Variants in WDR7 observed in about 807,000 individuals in gnomAD.
WDR7 encodes the protein WD repeat domain 7, also known as WD repeat-containing protein 7.
A neutral mutation model predicts 169.4 loss-of-function variants in WDR7; 46 were observed. That is an observed-to-expected ratio of 0.27 (90% CI 0.21 to 0.35). WDR7 has a LOEUF of 0.35. WDR7 is among the 10% of genes least tolerant of loss of function. WDR7 has a pLI of 1.00. For synonymous variants in WDR7, 612 were observed against 666.8 expected (o/e 0.92, Z 1.27); for missense variants, 1,534 against 1,859.3 (o/e 0.83, Z 3.22).
intron 19 of WDR7, among the ~76,000 whole-genome samples, chr18:56,807,075 G>A (rs2044785851): frequency 6.6e-6 from 1 of 150,662 alleles, no homozygotes. Flanking sequence ...ACAGGTGTAA[G>A]GTACTGAATG....
At chr18:56,737,657 A>T (rs1471379123) in intron 14 of WDR7, among the ~76,000 whole-genome samples, 2 of 152,220 alleles carry the variant, frequency 1.3e-5, no homozygotes, top group African/African-American at 2.4e-5. Flanking sequence ...GGAATTTAGA[A>T]GTCAAATATA....
At chr18:56,862,321 T>C (rs184605144) in intron 20 of WDR7, among the ~76,000 whole-genome samples, 1 of 151,764 alleles carries the variant, frequency 6.6e-6, no homozygotes, top group African/African-American at 2.4e-5. Context: ...GTTTATGTTG[T>C]AATTATAGCT....
chr18:56,955,495 A>G (rs959842990), intron 25 of WDR7, among the ~76,000 whole-genome samples: 2 of 152,306 alleles, frequency 1.3e-5, no homozygotes, highest in African/African-American at 4.8e-5. Context: ...ATACTTGTAA[A>G]TTGTAAGTAT....
chr18:57,012,639 A>C (rs1403171192), intron 26 of WDR7, among the ~76,000 whole-genome samples: 1 of 152,200 alleles, frequency 6.6e-6, no homozygotes, highest in Non-Finnish European at 1.5e-5. Flanking sequence ...GCACCACCAG[A>C]CATCACTCAA....
At chr18:56,866,165 C>G (rs1468753106) in intron 20 of WDR7, among the ~76,000 whole-genome samples, 1 of 152,174 alleles carries the variant, frequency 6.6e-6, no homozygotes, top group Admixed American at 6.5e-5. Context: ...ACTTCACATA[C>G]TTAACTTTCC....
At chr18:56,781,747 C>T in intron 19 of WDR7, 91 bp downstream of exon 19, 1 of 1,262,660 alleles carries the variant, frequency 7.9e-7, no homozygotes, top group Non-Finnish European at 1.0e-6. Context: ...TACCCATCAA[C>T]AAAAATGAGT....
At chr18:56,783,637 G>C (rs1973578995) in intron 19 of WDR7, among the ~76,000 whole-genome samples, 2 of 152,100 alleles carry the variant, frequency 1.3e-5, no homozygotes, top group African/African-American at 4.8e-5. Context: ...ATAACTAGCT[G>C]GCAGGCTATT....
At chr18:56,992,570 A>C (rs1418898897) in intron 26 of WDR7, among the ~76,000 whole-genome samples, 1 of 152,210 alleles carries the variant, frequency 6.6e-6, no homozygotes, top group Non-Finnish European at 1.5e-5. Flanking sequence ...CTATGTCTTA[A>C]TTAGGAGTAT....
intron 21 of WDR7, among the ~76,000 whole-genome samples, chr18:56,913,845 CCTGTT>C (rs535682928): frequency 9.8e-4 from 149 of 152,104 alleles, no homozygotes; most frequent in African/African-American, 3.3e-3. Flanking sequence ...CTCCATGACT[CCTGTT>C]ATAGTCCAAC....
At chr18:56,741,130 AT>A (rs982194338) in intron 14 of WDR7, among the ~76,000 whole-genome samples, 2 of 152,168 alleles carry the variant, frequency 1.3e-5, no homozygotes, top group Non-Finnish European at 2.9e-5. Context: ...CCCTTGAGCT[AT>A]GAATGCTTTT....
intron 1 of WDR7, among the ~76,000 whole-genome samples, chr18:56,664,701 G>A (rs1377372451): frequency 2.0e-5 from 3 of 152,126 alleles, no homozygotes; most frequent in Non-Finnish European, 2.9e-5. Flanking sequence ...AAAAGTCAGC[G>A]TTTTAGGTGC....
intron 26 of WDR7, chr18:57,009,807 TA>T: frequency 1.0e-6 from 1 of 969,098 alleles, no homozygotes; most frequent in Non-Finnish European, 1.2e-6. Flanking sequence ...CCTAGCTTTA[TA>T]ATCTACATCA....
intron 21 of WDR7, among the ~76,000 whole-genome samples, chr18:56,892,307 AGTT>A (rs1481235736): frequency 6.6e-6 from 1 of 152,062 alleles, no homozygotes; most frequent in Non-Finnish European, 1.5e-5. Context: ...GTTCTATACC[AGTT>A]GTTCTGTCTG....
chr18:56,821,305 T>C (rs913820950), intron 20 of WDR7, among the ~76,000 whole-genome samples: 6 of 152,194 alleles, frequency 3.9e-5, no homozygotes, highest in African/African-American at 1.4e-4. Flanking sequence ...ATCAAGCACA[T>C]TACACATGAG....
At chr18:56,785,755 C>T (rs1044867555) in intron 19 of WDR7, among the ~76,000 whole-genome samples, 2 of 151,700 alleles carry the variant, frequency 1.3e-5, no homozygotes, top group Admixed American at 6.6e-5. Context: ...AATAAAAAGC[C>T]GTTTGCAGGT....
chr18:56,823,582 T>C (rs904039129), intron 20 of WDR7, among the ~76,000 whole-genome samples: 3 of 152,064 alleles, frequency 2.0e-5, no homozygotes, highest in African/African-American at 7.2e-5. Flanking sequence ...CAAGACTCCG[T>C]CTCTCAAACA....
At position 56,664,963 on chromosome 18, in the gene WDR7, C is replaced by T. The variant is rs554489750; in HGVS notation, c.-19-7534C>T. ...GTTAAAGTTAAATGTATGTTCAGAA[C>T]GCCATGTTGTGTGCATATGTACAAC... On this transcript the variant is annotated intron_variant, in intron 1 of 27. Coordinates refer to ENST00000254442, the MANE Select transcript of WDR7 (RefSeq NM_015285.3). Among the ~76,000 whole-genome samples, 92 of 152,170 alleles carry T rather than the reference C, an allele frequency of 6.0e-4. 1 individual carries two copies. The highest frequency in any genetic ancestry group is 2.0e-3 in the African/African-American group (83 of 41,516).
chr18:56,702,498 C>G (rs914846857), intron 12 of WDR7, among the ~76,000 whole-genome samples: 1 of 152,170 alleles, frequency 6.6e-6, no homozygotes, highest in Non-Finnish European at 1.5e-5. Context: ...AAAAATAACA[C>G]TAATCACCCA....
intron 1 of WDR7, among the ~76,000 whole-genome samples, chr18:56,666,288 C>T (rs2025022829): frequency 7.5e-6 from 1 of 132,646 alleles, no homozygotes; most frequent in African/African-American, 2.7e-5. Context: ...ACTGCAACCT[C>T]CGTCTCCCGG....
Sources: gnomAD v4.1 joint callset for allele counts (sites outside exome capture counted in the v4.1 genomes callset) on GRCh38, gnomAD v4.1.1 for gene constraint, MANE v1.5 for transcripts, NCBI Gene and HGNC (gene_info 2026-07-23, HGNC 2026-07-21) for gene names.